The following MYO5A variants were observed in gnomAD, a reference collection of about 807,000 sequenced individuals.
The protein encoded by MYO5A is myosin VA.
MYO5A carries 98 observed loss-of-function variants against 249.7 expected under a neutral mutation model. That is an observed-to-expected ratio of 0.39 (90% CI 0.33 to 0.46). The LOEUF (loss-of-function observed/expected upper bound fraction) is 0.46, where lower values mean the gene tolerates loss of function less well. Ranked by LOEUF, MYO5A falls within the 20% of genes least tolerant of loss-of-function variation. The probability of loss-of-function intolerance (pLI) is 0.98; values close to 1 mark genes in which losing one functional copy is unlikely to be tolerated. For missense variants in MYO5A, 1,696 were observed against 2,308.8 expected (o/e 0.73, Z 5.44); for synonymous variants, 778 against 810.6 (o/e 0.96, Z 0.68).
chr15:52,312,945 G>A lies in MYO5A; in HGVS notation c.*751C>T, dbSNP rs2037831265. 6.6e-6 allele frequency: 1 copy of A among 152,532 alleles called. No individual in the cohort carries two copies. Among genetic ancestry groups the A allele is most frequent in the Non-Finnish European group, 1.5e-5 (1 of 68,062 alleles). The allele number at this position is 152,532 out of a possible 1,614,324, so 9.4% of individuals were successfully genotyped here. ...GCTACTTGTGCAGGTGAATCTGTAG[G>A]TATTTGCATATAATCCAGTTAAAAC... On this transcript the variant is annotated 3_prime_UTR_variant, in exon 42 of 42. Coordinates refer to ENST00000399233, the MANE Select transcript of MYO5A (RefSeq NM_001382347.1).
At position 52,457,452 on chromosome 15, in the gene MYO5A, T is replaced by C. The variant is rs189039196; in HGVS notation, c.28-24167A>G. Among the ~76,000 whole-genome samples the C allele has an allele frequency of 2.0e-3, 288 of 145,926 alleles. 4 individuals are homozygous for C. The highest frequency in any genetic ancestry group is 0.016 in the Admixed American group (232 of 14,668). On this transcript the variant is annotated intron_variant, in intron 1 of 41. Coordinates refer to ENST00000399233, the MANE Select transcript of MYO5A (RefSeq NM_001382347.1). ...AAAAAAAAAAAAAGTAGACAAAGGA[T>C]CTGAACACACATTTCTCACAAGAAG...
intron 1 of MYO5A, among the ~76,000 whole-genome samples, chr15:52,469,184 G>A (rs1470189297): frequency 6.6e-6 from 1 of 152,110 alleles, no homozygotes; most frequent in African/African-American, 2.4e-5. Flanking sequence ...AACAACATGT[G>A]GGTAAGCAGT....
At chr15:52,479,823 A>T (rs1230434129) in intron 1 of MYO5A, among the ~76,000 whole-genome samples, 1 of 152,220 alleles carries the variant, frequency 6.6e-6, no homozygotes, top group Admixed American at 6.5e-5. Flanking sequence ...ATCATGAAAG[A>T]GCCACACCTC....
intron 1 of MYO5A, among the ~76,000 whole-genome samples, chr15:52,527,922 T>C (rs1336391745): frequency 6.6e-6 from 1 of 152,190 alleles, no homozygotes; most frequent in Non-Finnish European, 1.5e-5. Flanking sequence ...GAGTGTACAG[T>C]ATAAAATGCC....
chr15:52,397,128 G>A, intron 10 of MYO5A, 73 bp downstream of exon 10: 1 of 1,542,092 alleles, frequency 6.5e-7, no homozygotes, highest in South Asian at 1.1e-5. Context: ...AGAATCAAAT[G>A]CCCACTTAGA....
chr15:52,449,657 T>C (rs35523401), intron 1 of MYO5A, among the ~76,000 whole-genome samples: 62,157 of 152,030 alleles, frequency 0.41, 15,840 homozygotes, highest in Non-Finnish European at 0.55. Flanking sequence ...ACTATTAGAA[T>C]TGCCCAGACC....
At position 52,410,362 on chromosome 15, in the gene MYO5A, G is replaced by T. The variant is rs371824735; in HGVS notation, c.727C>A (p.Leu243Ile). Reference sequence around the variant, plus strand: ...AATACCACTCTGGATTTCTCTAAAAGATAAGTTCTCATATTGGCACCAATG... The same window carrying T: ...AATACCACTCTGGATTTCTCTAAAATATAAGTTCTCATATTGGCACCAATG... Reference protein sequence around the residue: ...RIIGANMRTYLLEKSRVVFQA... With the variant: ...RIIGANMRTYILEKSRVVFQA... Residue 243 changes from leucine to isoleucine, a missense_variant, in exon 6 of 42, where the codon CTT (leucine) becomes ATT (isoleucine). Transcript: ENST00000399233. 1.9e-6 allele frequency: 3 copies of T among 1,613,732 alleles called. No homozygotes were observed. The highest frequency in any genetic ancestry group is 2.2e-5 in the East Asian group (1 of 44,874).
chr15:52,384,320 A>G lies in MYO5A; in HGVS notation c.1755T>C (p.Phe585=). Residue 585 remains phenylalanine, a splice_region_variant and synonymous_variant, in exon 15 of 42, where the codon TTT becomes TTC. Coordinates refer to ENST00000399233, the MANE Select transcript of MYO5A (RefSeq NM_001382347.1). ...EQIKVLKSSK[F]KMLPELFQDD... ...CTTGAAATAGTTCTGGTAGCATCTT[A>G]AACTAAGTCAGAAACAATATAAAGA... 6.2e-7 allele frequency: 1 copy of G among 1,614,134 alleles called. No homozygotes were observed. The highest frequency in any genetic ancestry group is 8.5e-7 in the Non-Finnish European group (1 of 1,179,950).
At chr15:52,374,698 A>G (rs115557132) in intron 20 of MYO5A, among the ~76,000 whole-genome samples, 1 of 152,230 alleles carries the variant, frequency 6.6e-6, no homozygotes, top group South Asian at 2.1e-4. Context: ...AAGCTGCAAG[A>G]GGCAAGGAAT....
intron 1 of MYO5A, among the ~76,000 whole-genome samples, chr15:52,516,514 G>A (rs1309785239): frequency 1.3e-5 from 2 of 152,170 alleles, no homozygotes; most frequent in Non-Finnish European, 2.9e-5. Flanking sequence ...TAATGTCTAA[G>A]GCTCCACACA....
chr15:52,524,421 G>T (rs1291331247), intron 1 of MYO5A, among the ~76,000 whole-genome samples: 1 of 151,958 alleles, frequency 6.6e-6, no homozygotes, highest in Non-Finnish European at 1.5e-5. Context: ...GGGTTTGGTA[G>T]CACATGCCTG....
At chr15:52,469,845 T>C (rs762248709) in intron 1 of MYO5A, among the ~76,000 whole-genome samples, 2 of 152,244 alleles carry the variant, frequency 1.3e-5, no homozygotes, top group African/African-American at 2.4e-5. Context: ...GGTTCAGATA[T>C]ACTCATCTCC....
chr15:52,464,167 A>G (rs1476182274), intron 1 of MYO5A, among the ~76,000 whole-genome samples: 2 of 152,230 alleles, frequency 1.3e-5, no homozygotes, highest in Admixed American at 6.5e-5. Flanking sequence ...TTTTGTCGCC[A>G]GCCCAACCCC....
chr15:52,448,967 T>C (rs1443477148), intron 1 of MYO5A, among the ~76,000 whole-genome samples: 5 of 126,916 alleles, frequency 3.9e-5, no homozygotes, highest in Non-Finnish European at 6.7e-5. Flanking sequence ...CTTTTTTTTT[T>C]TTTTTTTTTT....
intron 1 of MYO5A, among the ~76,000 whole-genome samples, chr15:52,463,396 G>T (rs1175347496): frequency 6.6e-6 from 1 of 152,152 alleles, no homozygotes; most frequent in Non-Finnish European, 1.5e-5. Flanking sequence ...TCATCCATGA[G>T]TTAAGTATTT....
intron 1 of MYO5A, among the ~76,000 whole-genome samples, chr15:52,525,433 TG>T (rs2077714000): frequency 6.6e-6 from 1 of 152,228 alleles, no homozygotes; most frequent in South Asian, 2.1e-4. Flanking sequence ...ATGGAAGCCT[TG>T]TTAAATTGCT....
At position 52,317,130 on chromosome 15, in the gene MYO5A, G is replaced by A. The variant is rs1329940411; in HGVS notation, c.5327C>T (p.Ala1776Val). 1 of 1,614,104 alleles carries A rather than the reference G, an allele frequency of 6.2e-7. No individual in the cohort carries two copies. Among genetic ancestry groups the A allele is most frequent in the Non-Finnish European group, 8.5e-7 (1 of 1,180,000 alleles). ...KETLEPLIQA[A>V]QLLQVKKKTD... ...TTTCTTTTTCACTTGCAAAAGTTGA[G>A]CAGCCTGAATGAGAGGTTCCAGGGT... Residue 1776 changes from alanine (A) to valine (V), a missense_variant, in exon 40 of 42, where the codon GCT becomes GTT. By Grantham distance (64) the Ala-to-Val change is moderately conservative. Transcript: ENST00000399233.
intron 21 of MYO5A, among the ~76,000 whole-genome samples, chr15:52,370,766 C>A (rs1199741503): frequency 2.6e-5 from 4 of 152,040 alleles, no homozygotes; most frequent in Non-Finnish European, 5.9e-5. Flanking sequence ...CAAAATGTTG[C>A]TAAAAACCAT....
rs571865062 is a variant in MYO5A, at chr15:52,313,148, T to C, written c.*548A>G. On this transcript the variant is annotated 3_prime_UTR_variant, in exon 42 of 42. Transcript: ENST00000399233. ...ACATTCCTTTAATATCTCTATATCATAGTGACACAAATGAGGAATTACTTT... is the reference window on the plus strand; with the variant it reads ...ACATTCCTTTAATATCTCTATATCACAGTGACACAAATGAGGAATTACTTT... The C allele has an allele frequency of 6.2e-6, 1 of 162,248 alleles. No homozygotes were observed. Among genetic ancestry groups the C allele is most frequent in the Admixed American group, 5.8e-5 (1 of 17,208 alleles). 10.1% of individuals were successfully genotyped at this position (162,248 alleles called of 1,614,324 possible).
Sources: allele counts gnomAD v4.1 joint callset (sites outside exome capture counted in the v4.1 genomes callset), GRCh38; gene constraint gnomAD v4.1.1; transcripts MANE v1.5; gene names NCBI Gene and HGNC (gene_info 2026-07-23, HGNC 2026-07-21).